The following CCSER1 variants were observed in gnomAD, a reference collection of about 807,000 sequenced individuals.
The protein encoded by CCSER1 is serine-rich coiled-coil domain-containing protein 1.
In CCSER1, 41 loss-of-function variants were observed where a neutral mutation model predicts 82.0. The ratio of observed to expected loss-of-function variants is 0.50; its 90% CI spans 0.39 to 0.65. The LOEUF is 0.65. Ranked by LOEUF, CCSER1 falls within the 30% of genes least tolerant of loss-of-function variation. The probability of loss-of-function intolerance (pLI) is 0.00; values close to 1 mark genes in which losing one functional copy is unlikely to be tolerated. For synonymous variants in CCSER1, 414 were observed against 383.9 expected (o/e 1.08, Z -0.92); for missense variants, 1,119 against 1,064.2 (o/e 1.05, Z -0.72).
intron 5 of CCSER1, among the ~76,000 whole-genome samples, chr4:90,551,747 T>C (rs1356826574): frequency 6.7e-6 from 1 of 150,052 alleles, no homozygotes; most frequent in African/African-American, 2.5e-5. Context: ...TGTATTCTTG[T>C]CTCTTATCCC....
intron 4 of CCSER1, among the ~76,000 whole-genome samples, chr4:90,419,204 T>C (rs980505571): frequency 6.6e-6 from 1 of 152,004 alleles, no homozygotes; most frequent in Admixed American, 6.6e-5. Context: ...TGATCTCAGT[T>C]GTCACTTTGT....
chr4:90,313,649 T>A (rs997484831), intron 3 of CCSER1, among the ~76,000 whole-genome samples: 11 of 151,972 alleles, frequency 7.2e-5, no homozygotes, highest in Non-Finnish European at 1.6e-4. Context: ...GGGAGAGGCA[T>A]GGTCTGAGTT....
chr4:90,272,571 TAAAAG>T (rs1446406988), intron 1 of CCSER1, among the ~76,000 whole-genome samples: 2 of 152,180 alleles, frequency 1.3e-5, no homozygotes, highest in Non-Finnish European at 2.9e-5. Flanking sequence ...ATTATTGAAA[TAAAAG>T]AAATCAATAT....
At position 90,723,915 on chromosome 4, in the gene CCSER1, G is replaced by A. The variant is rs200214194; in HGVS notation, c.1934G>A (p.Ser645Asn). 5.6e-5 allele frequency: 88 copies of A among 1,557,560 alleles called. No individual in the cohort carries two copies. In the Middle Eastern group the frequency reaches 1.0e-3, roughly 18 times the overall value. ...LLKMKRVLQE[S>N]ADMSPASSTT... ...AATTCAATTTCACTGTCCTTGCAGA[G>A]TGCAGACATGAGTCCAGCAAGCAGT... The change falls in exon 7 of 11, where the codon AGT becomes AAT. Residue 645 changes from serine (S) to asparagine (N), a missense_variant and splice_region_variant. Physicochemically the swap from Ser to Asn is conservative, Grantham distance 46. Coordinates refer to ENST00000509176, the MANE Select transcript of CCSER1 (RefSeq NM_001145065.2).
chr4:90,765,102 A>G (rs1198632764), intron 7 of CCSER1, among the ~76,000 whole-genome samples: 1 of 149,090 alleles, frequency 6.7e-6, no homozygotes, highest in East Asian at 2.0e-4. Flanking sequence ...TTTCCTTCCA[A>G]TCAGGAACAT....
chr4:90,478,746 T>C (rs1198128274), intron 5 of CCSER1, among the ~76,000 whole-genome samples: 1 of 150,936 alleles, frequency 6.6e-6, no homozygotes, highest in East Asian at 1.9e-4. Context: ...TTTTTTTTTT[T>C]TTTATTTTTT....
At chr4:90,234,034 G>T (rs996116645) in intron 1 of CCSER1, among the ~76,000 whole-genome samples, 7 of 152,086 alleles carry the variant, frequency 4.6e-5, no homozygotes, top group Admixed American at 3.3e-4. Context: ...GTGCTTATAT[G>T]ATATCAATGG....
In CCSER1 at chr4:90,350,550, G is replaced by T. The variant is rs114409518; in HGVS notation, c.1509+37503G>T. Among the ~76,000 whole-genome samples, 1,146 of 152,046 alleles carry T rather than the reference G, an allele frequency of 7.5e-3. 14 individuals are homozygous for T. The highest frequency in any genetic ancestry group is 0.026 in the African/African-American group (1,062 of 41,514). On this transcript the variant is annotated intron_variant, in intron 3 of 10. Coordinates refer to ENST00000509176, the MANE Select transcript of CCSER1 (RefSeq NM_001145065.2). Reference sequence around the variant, plus strand: ...GGAGAGTAATTTGAAAAACAACAAGGCCAAAATAAAAACCAACAATTTAAT... The same window carrying T: ...GGAGAGTAATTTGAAAAACAACAAGTCCAAAATAAAAACCAACAATTTAAT...
intron 9 of CCSER1, among the ~76,000 whole-genome samples, chr4:91,084,920 A>C (rs1427243383): frequency 2.0e-5 from 3 of 152,078 alleles, no homozygotes; most frequent in African/African-American, 7.2e-5. Flanking sequence ...TTAAACATAA[A>C]TGCTGTAGCC....
chr4:90,288,639 T>G (rs922823538), intron 1 of CCSER1, among the ~76,000 whole-genome samples: 1 of 151,930 alleles, frequency 6.6e-6, no homozygotes, highest in Non-Finnish European at 1.5e-5. Flanking sequence ...GTATTCAGAC[T>G]GTAGTATAAT....
chr4:91,504,697 T>C (rs1759392602), intron 10 of CCSER1, among the ~76,000 whole-genome samples: 1 of 137,196 alleles, frequency 7.3e-6, no homozygotes, highest in African/African-American at 2.7e-5. Context: ...CAGATTCTTA[T>C]GTTTCTTATT....
At chr4:90,955,899 C>T (rs998981351) in intron 9 of CCSER1, among the ~76,000 whole-genome samples, 31 of 152,058 alleles carry the variant, frequency 2.0e-4, no homozygotes, top group African/African-American at 5.1e-4. Context: ...TCTAAAGAAG[C>T]CAATCTAAAA....
intron 10 of CCSER1, among the ~76,000 whole-genome samples, chr4:91,144,292 A>C (rs893757899): frequency 2.6e-4 from 39 of 151,504 alleles, no homozygotes; most frequent in African/African-American, 9.4e-4. Context: ...TTGCATTTCT[A>C]TGGGATTGAT....
intron 10 of CCSER1, among the ~76,000 whole-genome samples, chr4:91,522,708 T>G (rs1472091018): frequency 6.6e-6 from 1 of 152,164 alleles, no homozygotes; most frequent in Non-Finnish European, 1.5e-5. Flanking sequence ...GCTTGTCATT[T>G]TTGCACATTG....
intron 5 of CCSER1, among the ~76,000 whole-genome samples, chr4:90,588,693 A>G (rs1404796047): frequency 6.6e-6 from 1 of 152,190 alleles, no homozygotes; most frequent in Non-Finnish European, 1.5e-5. Flanking sequence ...GAGATAATGG[A>G]ATCATGGGGT....
intron 8 of CCSER1, among the ~76,000 whole-genome samples, chr4:90,870,815 C>CTT (rs35869800): frequency 1.1e-3 from 122 of 109,520 alleles, no homozygotes; most frequent in East Asian, 1.5e-3. Context: ...AGGTCCTTGG[C>CTT]TTTTTTTTTT....
intron 10 of CCSER1, among the ~76,000 whole-genome samples, chr4:91,329,655 C>T (rs1235134383): frequency 6.6e-6 from 1 of 152,186 alleles, no homozygotes; most frequent in Non-Finnish European, 1.5e-5. Context: ...GTTGTGTCTT[C>T]ACATGGCAGT....
intron 5 of CCSER1, among the ~76,000 whole-genome samples, chr4:90,551,281 T>C (rs1460176839): frequency 1.3e-5 from 2 of 152,148 alleles, no homozygotes; most frequent in Non-Finnish European, 2.9e-5. Flanking sequence ...TCTTCACATG[T>C]TTTATAAAAG....
intron 9 of CCSER1, among the ~76,000 whole-genome samples, chr4:90,970,999 C>T (rs980884357): frequency 4.6e-5 from 7 of 151,514 alleles, no homozygotes; most frequent in African/African-American, 1.7e-4. Flanking sequence ...AACTATATAC[C>T]TCAAAGAATT....
Sources: gnomAD v4.1 joint callset for allele counts (sites outside exome capture counted in the v4.1 genomes callset) on GRCh38, gnomAD v4.1.1 for gene constraint, MANE v1.5 for transcripts, NCBI Gene and HGNC (gene_info 2026-07-23, HGNC 2026-07-21) for gene names.